Variants in CACNG2 observed in about 807,000 individuals in gnomAD.
The protein encoded by CACNG2 is voltage-dependent calcium channel gamma-2 subunit.
Under a neutral mutation model 25.9 loss-of-function variants are expected in CACNG2, and 3 were observed. The ratio of observed to expected loss-of-function variants is 0.12; its 90% CI spans 0.05 to 0.30. The LOEUF (loss-of-function observed/expected upper bound fraction) is 0.30. Among genes scored for constraint, CACNG2 ranks in the 10% least tolerant of loss-of-function variants. The probability of loss-of-function intolerance (pLI) is 1.00; values close to 1 mark genes in which losing one functional copy is unlikely to be tolerated. For missense variants in CACNG2, 341 were observed against 432.5 expected (o/e 0.79, Z 1.88); for synonymous variants, 167 against 173.3 (o/e 0.96, Z 0.29).
intron 1 of CACNG2, among the ~76,000 whole-genome samples, chr22:36,637,617 T>C (rs1373929805): frequency 6.6e-6 from 1 of 152,134 alleles, no homozygotes; most frequent in African/African-American, 2.4e-5. Context: ...ACAATCGTCC[T>C]GGGGAGGCTG....
intron 1 of CACNG2, among the ~76,000 whole-genome samples, chr22:36,624,942 C>T (rs1462430100): frequency 2.1e-5 from 3 of 141,956 alleles, no homozygotes; most frequent in East Asian, 2.2e-4. Context: ...GTAGGAGAAT[C>T]GCTCGAACCA....
chr22:36,639,201 C>G (rs1380987761), intron 1 of CACNG2, among the ~76,000 whole-genome samples: 2 of 152,202 alleles, frequency 1.3e-5, no homozygotes, highest in Non-Finnish European at 2.9e-5. Flanking sequence ...GAGCCAACAA[C>G]ACCCATCTTG....
chr22:36,600,411 G>T (rs915047689), intron 1 of CACNG2, among the ~76,000 whole-genome samples: 4 of 147,902 alleles, frequency 2.7e-5, no homozygotes, highest in Non-Finnish European at 5.9e-5. Context: ...CACCACACCC[G>T]TCCTGTCTTT....
intron 1 of CACNG2, among the ~76,000 whole-genome samples, chr22:36,644,250 C>T (rs1362131122): frequency 2.6e-5 from 4 of 152,192 alleles, no homozygotes; most frequent in Non-Finnish European, 5.9e-5. Flanking sequence ...TAAAACTGGC[C>T]TGAAAATCCT....
At chr22:36,685,275 T>C (rs960430543) in intron 1 of CACNG2, among the ~76,000 whole-genome samples, 1 of 152,124 alleles carries the variant, frequency 6.6e-6, no homozygotes, top group Non-Finnish European at 1.5e-5. Context: ...GGCTCCAGCA[T>C]TCCATCTGCT....
intron 1 of CACNG2, among the ~76,000 whole-genome samples, chr22:36,623,014 T>A (rs1322617253): frequency 0.44 from 43,135 of 98,582 alleles, 9,909 homozygotes; most frequent in South Asian, 0.52. Flanking sequence ...AAACATGGGT[T>A]TTTTTTTTTT....
rs1936008599 is a variant in CACNG2 at position 36,615,483 on chromosome 22, C to G, written c.212-27935G>C. On this transcript the variant is annotated intron_variant, in intron 1 of 3. Transcript: ENST00000300105. ...CTCTGGGCCTCTTGCACCATGGCTC[C>G]CCTGTCTAGAATGCTCTTGTTTTGC... 2.0e-5 allele frequency among the ~76,000 whole-genome samples: 3 copies of G among 152,202 alleles called. No individual in the cohort carries two copies. In the South Asian group the frequency reaches 6.2e-4, roughly 32 times the overall value.
chr22:36,693,991 A>C (rs1268474104), intron 1 of CACNG2, among the ~76,000 whole-genome samples: 1 of 151,996 alleles, frequency 6.6e-6, no homozygotes, highest in Non-Finnish European at 1.5e-5. Flanking sequence ...CCTGGCAAAT[A>C]CTCGGGAACA....
chr22:36,640,444 C>T (rs1217262257), intron 1 of CACNG2, among the ~76,000 whole-genome samples: 1 of 152,240 alleles, frequency 6.6e-6, no homozygotes, highest in Non-Finnish European at 1.5e-5. Flanking sequence ...GTGCCTCTCT[C>T]CGCATGGTCA....
chr22:36,631,145 T>C (rs1256437964), intron 1 of CACNG2, among the ~76,000 whole-genome samples: 2 of 152,104 alleles, frequency 1.3e-5, no homozygotes, highest in Non-Finnish European at 1.5e-5. Context: ...AGCTCTTTAA[T>C]GGGCAAAAGA....
chr22:36,633,116 G>C (rs931591851), intron 1 of CACNG2, among the ~76,000 whole-genome samples: 10 of 152,278 alleles, frequency 6.6e-5, no homozygotes, highest in African/African-American at 1.4e-4. Context: ...TAGCCACTCT[G>C]TGTAACCTTA....
At chr22:36,653,293 C>T (rs879568958) in intron 1 of CACNG2, among the ~76,000 whole-genome samples, 2 of 152,200 alleles carry the variant, frequency 1.3e-5, no homozygotes, top group Non-Finnish European at 2.9e-5. Context: ...CATTGCATTC[C>T]AGCCTGGGCA....
At chr22:36,621,265 T>C (rs1298060707) in intron 1 of CACNG2, among the ~76,000 whole-genome samples, 1 of 152,206 alleles carries the variant, frequency 6.6e-6, no homozygotes, top group Non-Finnish European at 1.5e-5. Context: ...CCCAGCACTT[T>C]GGGAGGCCGA....
intron 1 of CACNG2, among the ~76,000 whole-genome samples, chr22:36,629,747 A>G (rs933891348): frequency 6.6e-6 from 1 of 152,178 alleles, no homozygotes; most frequent in Non-Finnish European, 1.5e-5. Context: ...GGTTCCAGGC[A>G]CAAGTTCCCA....
At chr22:36,689,176 C>T (rs1357853900) in intron 1 of CACNG2, among the ~76,000 whole-genome samples, 2 of 152,066 alleles carry the variant, frequency 1.3e-5, no homozygotes, top group African/African-American at 2.4e-5. Context: ...TTGATACCTG[C>T]CTGTCTATTC....
chr22:36,569,747 C>A (rs193216815), intron 2 of CACNG2, among the ~76,000 whole-genome samples: 1 of 152,140 alleles, frequency 6.6e-6, no homozygotes, highest in Admixed American at 6.5e-5. Context: ...GCCATGTTGG[C>A]CAGGCTGGTC....
At chr22:36,581,374 T>G (rs905106645) in intron 2 of CACNG2, among the ~76,000 whole-genome samples, 3 of 152,164 alleles carry the variant, frequency 2.0e-5, no homozygotes, top group Non-Finnish European at 2.9e-5. Flanking sequence ...ATTCATTCAT[T>G]CGTCCATCAG....
intron 1 of CACNG2, among the ~76,000 whole-genome samples, chr22:36,686,997 G>T (rs1937209044): frequency 6.6e-6 from 1 of 152,202 alleles, no homozygotes; most frequent in South Asian, 2.1e-4. Context: ...ATGAAACTAA[G>T]GCAAAAATGT....
At chr22:36,577,727 G>A (rs940576887) in intron 2 of CACNG2, among the ~76,000 whole-genome samples, 1 of 152,126 alleles carries the variant, frequency 6.6e-6, no homozygotes, top group African/African-American at 2.4e-5. Context: ...GGAAGGCTGG[G>A]TGGCTTTTGG....
Sources: gnomAD v4.1 joint callset for allele counts (sites outside exome capture counted in the v4.1 genomes callset) on GRCh38, gnomAD v4.1.1 for gene constraint, MANE v1.5 for transcripts, NCBI Gene and HGNC (gene_info 2026-07-23, HGNC 2026-07-21) for gene names.